Variants in CFAP99 observed in about 807,000 individuals in gnomAD.
CFAP99 encodes cilia and flagella associated protein 99.
In CFAP99, 84 loss-of-function variants were observed where a neutral mutation model predicts 82.7. That is an observed-to-expected ratio of 1.02 (90% CI 0.85 to 1.22). The LOEUF is 1.22. Among genes scored for constraint, CFAP99 ranks in the 50% most tolerant of loss-of-function variants. The pLI is 0.00. For synonymous variants in CFAP99, 456 were observed against 429.5 expected, an observed-to-expected ratio of 1.06 and a Z score of -0.76; for missense variants, 1,059 against 983.5, an observed-to-expected ratio of 1.08 and a Z score of -1.03.
At chr4:2,460,450 A>C (rs1303147387) in intron 14 of CFAP99, among the ~76,000 whole-genome samples, 1 of 152,254 alleles carries the variant, frequency 6.6e-6, no homozygotes, top group Non-Finnish European at 1.5e-5. Context: ...TCCATGGCTC[A>C]GAAGCCATGA....
intron 3 of CFAP99, 134 bp downstream of exon 3, chr4:2,437,152 C>T (rs1319041751): frequency 9.4e-6 from 10 of 1,065,758 alleles, no homozygotes; most frequent in South Asian, 3.2e-5. Context: ...GGAGGCTTCC[C>T]GGCTCCTCAC....
At chr4:2,450,898 C>T (rs1323666048) in intron 8 of CFAP99, 49 bp from the exon 9 acceptor site, 1 of 1,498,530 alleles carries the variant, frequency 6.7e-7, no homozygotes, top group South Asian at 1.2e-5. Context: ...TTTGGGGGCA[C>T]CCAGCAGGCA....
rs1734640732 is a variant in CFAP99, at chr4:2,462,396, T to G, written c.1662-47T>G. On this transcript the variant is annotated intron_variant, in intron 14 of 14. Transcript: ENST00000635017. This position sits in a 1 kb window ranked among gnomAD's most constrained non-coding sequence, Gnocchi z 4.1. Reference sequence around the variant, plus strand: ...CACGGGTGGCATCCTGGGTCTGGCCTGGGCCTCCCGCCGGCCTGCTCCTGA... The same window carrying G: ...CACGGGTGGCATCCTGGGTCTGGCCGGGGCCTCCCGCCGGCCTGCTCCTGA... 1.4e-6 allele frequency: 2 copies of G among 1,391,750 alleles called. No homozygotes were observed. The highest frequency in any genetic ancestry group is 3.7e-5 in the Admixed American group (1 of 27,042). 86.2% of individuals were successfully genotyped at this position (1,391,750 alleles called of 1,614,324 possible). A position where few individuals can be genotyped will look rare whatever the true frequency, so the allele number is the denominator to read the frequency against.
At chr4:2,450,254 G>A (rs181345578) in intron 8 of CFAP99, 8,808 of 555,172 alleles carry the variant, frequency 0.016, 129 homozygotes, top group Non-Finnish European at 0.023. Flanking sequence ...ACCTGCAGGT[G>A]CTGCCTCTGG....
chr4:2,443,246 G>A lies in CFAP99; in HGVS notation c.464+4G>A, dbSNP rs1031722680. 6 of 1,521,990 alleles carry A rather than the reference G, an allele frequency of 3.9e-6. No individual in the cohort carries two copies. The South Asian group carries it at 7.2e-5, about 18-fold the overall frequency. The allele number at this position is 1,521,990 out of a possible 1,614,324, so 94.3% of individuals were successfully genotyped here. A position where few individuals can be genotyped will look rare whatever the true frequency, so the allele number is the denominator to read the frequency against. On this transcript the variant is annotated splice_donor_region_variant and intron_variant, in intron 5 of 14. Coordinates refer to ENST00000635017, the Ensembl canonical transcript of CFAP99. ...ACTGGATCGACCCCCTGATGAGGTA[G>A]GCTGGATGGGGGGCTCTGGGGGCCC...
chr4:2,441,980 G>A (rs1360805706), intron 4 of CFAP99, among the ~76,000 whole-genome samples: 2 of 152,214 alleles, frequency 1.3e-5, no homozygotes, highest in East Asian at 3.9e-4. Flanking sequence ...CACAGCTCCA[G>A]GGAATCTGCC....
At position 2,458,500 on chromosome 4, in the gene CFAP99, C is replaced by G. The variant is rs867781719; in HGVS notation, c.1162-223C>G. 9.7e-4 allele frequency among the ~76,000 whole-genome samples: 147 copies of G among 152,246 alleles called. 3 individuals carry two copies. The highest frequency in any genetic ancestry group is 3.4e-3 in the Middle Eastern group (1 of 294). On this transcript the variant is annotated intron_variant, in intron 11 of 14. Transcript: ENST00000635017. ...AGATGCAGGAAGGTTCCCCCCAAGA[C>G]CACACTGGGAGGAAGGGAGAGGACA...
chr4:2,459,581 CGCAGGT>C (rs1734558668), intron 13 of CFAP99, among the ~76,000 whole-genome samples: 1 of 152,112 alleles, frequency 6.6e-6, no homozygotes, highest in South Asian at 2.1e-4. Context: ...GTAGGGAGAG[CGCAGGT>C]GTTTTCAAAG....
At chr4:2,421,888 A>C (rs1324980283) in intron 1 of CFAP99, among the ~76,000 whole-genome samples, 20 of 151,900 alleles carry the variant, frequency 1.3e-4, no homozygotes, top group Non-Finnish European at 1.5e-5. Context: ...ACAAAAAAAA[A>C]AAAAAAATTA....
chr4:2,434,337 C>G (rs61046154), intron 2 of CFAP99, among the ~76,000 whole-genome samples: 6,409 of 152,230 alleles, frequency 0.042, 424 homozygotes, highest in African/African-American at 0.14. Flanking sequence ...GGATAATGAA[C>G]AAACGTCACC....
chr4:2,447,632 AATGG>A (rs957920786), intron 6 of CFAP99, among the ~76,000 whole-genome samples: 9 of 136,822 alleles, frequency 6.6e-5, no homozygotes, highest in Non-Finnish European at 1.4e-4. Flanking sequence ...TGGGTGAATG[AATGG>A]ATGGGTGGGT....
chr4:2,461,634 T>C (rs887348943), intron 14 of CFAP99, among the ~76,000 whole-genome samples: 2 of 152,164 alleles, frequency 1.3e-5, no homozygotes, highest in Admixed American at 1.3e-4. Context: ...GTCTACCTCC[T>C]GCTAAAAAAG....
chr4:2,462,641 G>A lies in CFAP99; in HGVS notation c.1860G>A (p.Leu620=). The change falls in exon 15 of 15, where the codon CTG becomes CTA. Residue 620 remains leucine (L), a synonymous_variant. Coordinates refer to ENST00000635017, the Ensembl canonical transcript of CFAP99. This position sits in a 1 kb window ranked among gnomAD's most constrained non-coding sequence, Gnocchi z 4.1. ...ATTGGTGGGAGGAGCCCGGGCGACT[G>A]AAAGCCGGGGCCGGGTGGGGATGGC... The A allele has an allele frequency of 6.9e-6, 9 of 1,298,412 alleles. No homozygotes were observed. Among genetic ancestry groups the A allele is most frequent in the Non-Finnish European group, 8.8e-6 (9 of 1,026,338 alleles). The allele number at this position is 1,298,412 out of a possible 1,614,324, so 80.4% of individuals were successfully genotyped here.
chr4:2,451,205 A>T, intron 9 of CFAP99, 59 bp from the exon 10 acceptor site: 1 of 1,520,270 alleles, frequency 6.6e-7, no homozygotes, highest in Non-Finnish European at 8.8e-7. Flanking sequence ...CAGGATGGGC[A>T]TTTGCTGCTC....
chr4:2,453,838 G>A (rs553256768), intron 11 of CFAP99, among the ~76,000 whole-genome samples: 1 of 147,242 alleles, frequency 6.8e-6, no homozygotes, highest in African/African-American at 2.5e-5. Context: ...TTTTAAGATG[G>A]AAGCTTGCTC....
At chr4:2,458,575 G>A (rs2108735989) in intron 11 of CFAP99, 148 bp from the exon 12 acceptor site, 1 of 967,136 alleles carries the variant, frequency 1.0e-6, no homozygotes, top group South Asian at 2.2e-5. Flanking sequence ...CGCCAGGAGT[G>A]AATGGGCTTA....
chr4:2,426,722 G>C, intron 2 of CFAP99, 136 bp downstream of exon 2: 2 of 652,184 alleles, frequency 3.1e-6, no homozygotes, highest in South Asian at 1.7e-5. Context: ...GTTTTCCACA[G>C]AGACCTGCTC....
In CFAP99 at chr4:2,443,245, A is replaced by G; in HGVS notation, c.464+3A>G. 2 of 1,525,710 alleles carry G rather than the reference A, an allele frequency of 1.3e-6. No homozygotes were observed. Among genetic ancestry groups the G allele is most frequent in the Non-Finnish European group, 1.8e-6 (2 of 1,137,700 alleles). 94.5% of individuals were successfully genotyped at this position (1,525,710 alleles called of 1,614,324 possible). On this transcript the variant is annotated splice_donor_region_variant and intron_variant, in intron 5 of 14. Transcript: ENST00000635017. ...AACTGGATCGACCCCCTGATGAGGT[A>G]GGCTGGATGGGGGGCTCTGGGGGCC...
At chr4:2,422,617 CG>C (rs1428205114) in intron 1 of CFAP99, among the ~76,000 whole-genome samples, 3 of 152,140 alleles carry the variant, frequency 2.0e-5, no homozygotes, top group Admixed American at 1.3e-4. Context: ...CCACTCTCAC[CG>C]CCCCCACCAG....
Sources: allele counts gnomAD v4.1 joint callset (sites outside exome capture counted in the v4.1 genomes callset), GRCh38; gene constraint gnomAD v4.1.1; non-coding constraint Gnocchi (gnomAD v3.1); transcripts MANE v1.5; gene names NCBI Gene and HGNC (gene_info 2026-07-23, HGNC 2026-07-21).